The following EEF1G variants were observed in gnomAD, a reference collection of about 807,000 sequenced individuals.
EEF1G encodes the protein eukaryotic translation elongation factor 1 gamma.
EEF1G carries 14 observed loss-of-function variants against 58.3 expected under a neutral mutation model. The observed-to-expected ratio is 0.24, with a 90% CI of 0.16 to 0.38. EEF1G has a LOEUF of 0.38. EEF1G is among the 10% of genes least tolerant of loss of function. The pLI is 1.00. For missense variants in EEF1G, 322 were observed against 550.1 expected, an observed-to-expected ratio of 0.59 and a Z score of 4.15; for synonymous variants, 180 against 206.8, an observed-to-expected ratio of 0.87 and a Z score of 1.11.
At chr11:62,562,838 CAT>C (rs1428742156) in intron 7 of EEF1G, among the ~76,000 whole-genome samples, 1 of 152,164 alleles carries the variant, frequency 6.6e-6, no homozygotes, top group Non-Finnish European at 1.5e-5. Flanking sequence ...GTAGCCATGA[CAT>C]ATGCAGTTTT....
Position 62,573,869 on chromosome 11 carries a change from G to A in EEF1G, c.-27C>T, listed in dbSNP as rs781764888. On this transcript the variant is annotated 5_prime_UTR_variant, in exon 1 of 10. Coordinates refer to ENST00000329251, the MANE Select transcript of EEF1G (RefSeq NM_001404.5). Reference sequence around the variant, plus strand: ...GTGATTCCGCAAAGAAAGGGGGTGGGGTTCTCGGCGCTGCCGCAAAGTAAG... The same window carrying A: ...GTGATTCCGCAAAGAAAGGGGGTGGAGTTCTCGGCGCTGCCGCAAAGTAAG... 3.1e-6 allele frequency: 5 copies of A among 1,613,562 alleles called. No individual in the cohort carries two copies. Among genetic ancestry groups the A allele is most frequent in the Non-Finnish European group, 4.2e-6 (5 of 1,179,872 alleles).
At chr11:62,568,781 T>C (rs895607943) in intron 5 of EEF1G, among the ~76,000 whole-genome samples, 20 of 151,844 alleles carry the variant, frequency 1.3e-4, no homozygotes, top group Admixed American at 9.8e-4. Flanking sequence ...GAGACCAGCC[T>C]GGCAAACATG....
Position 62,566,958 on chromosome 11 carries a change from C to T in EEF1G, c.705G>A (p.Lys235=), listed in dbSNP as rs374645303. The change falls in exon 7 of 10, where the codon AAG becomes AAA. Residue 235 remains lysine, a synonymous_variant. Coordinates refer to ENST00000329251, the MANE Select transcript of EEF1G (RefSeq NM_001404.5). Reference sequence around the variant, plus strand: ...GCTTCTGCTTCTCTTCCCGTGAACCCTTCTCTTTCCGTGGTGTGTCCTTTT... The same window carrying T: ...GCTTCTGCTTCTCTTCCCGTGAACCTTTCTCTTTCCGTGGTGTGTCCTTTT... ...QPKKDTPRKE[K]GSREEKQKPQ... The T allele has an allele frequency of 1.2e-6, 2 of 1,614,044 alleles. No homozygotes were observed. Among genetic ancestry groups the T allele is most frequent in the Non-Finnish European group, 1.7e-6 (2 of 1,179,910 alleles).
rs753548525 is a variant in EEF1G, at chr11:62,571,642, T to G, written c.276A>C (p.Ala92=). The change falls in exon 4 of 10, where the codon GCA becomes GCC. Residue 92 remains alanine, a synonymous_variant. Transcript: ENST00000329251. ...EELRGSTPEA[A]AQVVQWVSFA... is the part of the protein sequence containing the mutation. ...AGCTCACCCACTGCACCACCTGGGC[T>G]GCTGCCTCTGGAGTACTTCCCCGCA... The G allele has an allele frequency of 5.7e-6, 9 of 1,586,790 alleles. No homozygotes were observed. The highest frequency in any genetic ancestry group is 6.9e-6 in the Non-Finnish European group (8 of 1,166,712).
intron 7 of EEF1G, among the ~76,000 whole-genome samples, chr11:62,562,069 C>T (rs1239220987): frequency 6.6e-6 from 1 of 152,192 alleles, no homozygotes; most frequent in East Asian, 1.9e-4. Context: ...CCGCATAGCC[C>T]CATATCTAAT....
At chr11:62,571,745 G>C (rs1941634093) in intron 3 of EEF1G, 63 bp from the exon 4 acceptor site, 2 of 1,565,616 alleles carry the variant, frequency 1.3e-6, no homozygotes, top group Non-Finnish European at 1.7e-6. Flanking sequence ...CCAGGTCCTG[G>C]AGAATTCCTT....
rs1038272444 is a variant in EEF1G, at chr11:62,566,931, G to C, written c.732C>G (p.Pro244=). 4 of 1,613,844 alleles carry C rather than the reference G, an allele frequency of 2.5e-6. No homozygotes were observed. Among genetic ancestry groups the C allele is most frequent in the Middle Eastern group, 3.3e-4 (2 of 6,078 alleles). ...EKGSREEKQK[P]QAERKEEKKA... ...TTTTCTCCTCCTTCCGCTCAGCCTG[G>C]GGCTTCTGCTTCTCTTCCCGTGAAC... Residue 244 remains proline, a synonymous_variant, in exon 7 of 10, where the codon CCC becomes CCG. Coordinates refer to ENST00000329251, the MANE Select transcript of EEF1G (RefSeq NM_001404.5).
At chr11:62,567,375 G>T in intron 6 of EEF1G, 24 bp downstream of exon 6, 2 of 1,595,086 alleles carry the variant, frequency 1.3e-6, no homozygotes, top group Non-Finnish European at 8.5e-7. Context: ...CTGGCCATAT[G>T]CCTCCCAGTC....
At chr11:62,565,231 T>TA (rs1021539519) in intron 7 of EEF1G, among the ~76,000 whole-genome samples, 1 of 151,796 alleles carries the variant, frequency 6.6e-6, no homozygotes, top group Non-Finnish European at 1.5e-5. Context: ...CTACAAATAA[T>TA]AAAAAATTAG....
intron 7 of EEF1G, among the ~76,000 whole-genome samples, chr11:62,563,329 ATTT>A (rs1941520549): frequency 6.6e-6 from 1 of 151,810 alleles, no homozygotes; most frequent in African/African-American, 2.4e-5. Flanking sequence ...TAGAGACGGT[ATTT>A]TTACCGTGTT....
At chr11:62,562,315 CGGCTAATAAAG>C (rs1184894530) in intron 7 of EEF1G, among the ~76,000 whole-genome samples, 4 of 152,050 alleles carry the variant, frequency 2.6e-5, no homozygotes, top group Middle Eastern at 3.2e-3. Flanking sequence ...TCTTGGTTGC[CGGCTAATAAAG>C]GACTCTTAAT....
intron 7 of EEF1G, 21 bp from the exon 8 acceptor site, chr11:62,560,475 G>C (rs1395425394): frequency 6.2e-7 from 1 of 1,605,046 alleles, no homozygotes; most frequent in African/African-American, 1.3e-5. Flanking sequence ...GAAAGCACAG[G>C]GGTCAATCAA....
chr11:62,560,832 C>A lies in EEF1G; in HGVS notation c.858-378G>T, dbSNP rs150906725. Among the ~76,000 whole-genome samples, 1,312 of 152,318 alleles carry A rather than the reference C, an allele frequency of 8.6e-3. 12 individuals are homozygous for A. Among genetic ancestry groups the A allele is most frequent in the Admixed American group, 0.015 (237 of 15,294 alleles). ...TGACTCACCCAAGTCTCTTCCCCCC[C>A]ACCATACAGGCCTCTTCAGGTTACA... is the stretch of plus-strand genomic sequence containing the variant. On this transcript the variant is annotated intron_variant, in intron 7 of 9. Transcript: ENST00000329251.
At chr11:62,573,664 A>C in intron 1 of EEF1G, 167 bp downstream of exon 1, 1 of 949,374 alleles carries the variant, frequency 1.1e-6, no homozygotes. Flanking sequence ...CCCCAGCCTC[A>C]GTTCCCCTCC....
At chr11:62,563,488 G>A (rs912707154) in intron 7 of EEF1G, among the ~76,000 whole-genome samples, 14 of 152,294 alleles carry the variant, frequency 9.2e-5, no homozygotes, top group African/African-American at 2.9e-4. Flanking sequence ...AGAGGCTGAG[G>A]TAGAAGGACC....
rs1941481040 is a variant in EEF1G at position 62,560,444 on chromosome 11, A to G, written c.868T>C (p.Leu290=). Residue 290 remains leucine, a synonymous_variant, in exon 8 of 10, where the codon TTG becomes CTG. Coordinates refer to ENST00000329251, the MANE Select transcript of EEF1G (RefSeq NM_001404.5). ...FAHLPKSTFV[L]DEFKRKYSNE... ...GAGTACTTGCGCTTAAATTCATCCAACACAAAGGTACTAAGAGGAAGAAAG... is the reference window on the plus strand; with the variant it reads ...GAGTACTTGCGCTTAAATTCATCCAGCACAAAGGTACTAAGAGGAAGAAAG... 1 of 1,609,690 alleles carries G rather than the reference A, an allele frequency of 6.2e-7. No homozygotes were observed. The highest frequency in any genetic ancestry group is 1.3e-5 in the African/African-American group (1 of 74,866).
At chr11:62,561,713 A>G (rs71490390) in intron 7 of EEF1G, among the ~76,000 whole-genome samples, 36,410 of 146,562 alleles carry the variant, frequency 0.25, 5,755 homozygotes, top group Non-Finnish European at 0.36. Flanking sequence ...AAAAACACAT[A>G]TATGTGTGTG....
chr11:62,569,735 A>G (rs1487712944), intron 5 of EEF1G, among the ~76,000 whole-genome samples: 4 of 152,190 alleles, frequency 2.6e-5, no homozygotes, highest in African/African-American at 9.7e-5. Flanking sequence ...ATTCTACTCT[A>G]CCACTTAGTA....
chr11:62,572,016 C>A, intron 2 of EEF1G, 115 bp from the exon 3 acceptor site: 2 of 893,510 alleles, frequency 2.2e-6, no homozygotes, highest in Non-Finnish European at 3.6e-6. Flanking sequence ...TCTCACTATC[C>A]AAACTCTTGA....
Sources: allele counts gnomAD v4.1 joint callset (sites outside exome capture counted in the v4.1 genomes callset), GRCh38; gene constraint gnomAD v4.1.1; transcripts MANE v1.5; gene names NCBI Gene and HGNC (gene_info 2026-07-23, HGNC 2026-07-21).